ANKS3: variants seen among roughly 807,000 people sequenced by gnomAD.
The protein encoded by ANKS3 is ankyrin repeat and sterile alpha motif domain containing 3.
Under a neutral mutation model 80.7 loss-of-function variants are expected in ANKS3, and 62 were observed. That is an observed-to-expected ratio of 0.77 (90% CI 0.63 to 0.95). The LOEUF (loss-of-function observed/expected upper bound fraction) is 0.95, where lower values mean the gene tolerates loss of function less well. ANKS3 is among the 40% of genes least tolerant of loss of function. The pLI is 0.00. For missense variants in ANKS3, 1,150 were observed against 883.6 expected (o/e 1.30, Z -3.82); for synonymous variants, 489 against 355.3 (o/e 1.38, Z -4.23).
Position 4,698,031 on chromosome 16 carries a change from T to G in ANKS3, c.1756A>C (p.Arg586=). ...ACQAELSSRV[R]QDQPPGAATL... ...GCTGCACCAGGGGGCTGGTCCTGCCTCACTCGAGATGACAGCTCAGCTTGA... is the reference window on the plus strand; with the variant it reads ...GCTGCACCAGGGGGCTGGTCCTGCCGCACTCGAGATGACAGCTCAGCTTGA... Residue 586 remains arginine (R), a synonymous_variant, in exon 15 of 18, where the codon AGG becomes CGG. Coordinates refer to ENST00000304283, the MANE Select transcript of ANKS3 (RefSeq NM_133450.4). 1 of 1,609,580 alleles carries G rather than the reference T, an allele frequency of 6.2e-7. No individual in the cohort carries two copies. Among genetic ancestry groups the G allele is most frequent in the South Asian group, 1.1e-5 (1 of 90,246 alleles).
At chr16:4,716,214 G>A (rs1338713572) in intron 6 of ANKS3, among the ~76,000 whole-genome samples, 1 of 151,758 alleles carries the variant, frequency 6.6e-6, no homozygotes, top group Middle Eastern at 3.2e-3. Flanking sequence ...AAAGAAATTA[G>A]CCGGGCGTGG....
chr16:4,712,748 G>T (rs1161935193), intron 7 of ANKS3, among the ~76,000 whole-genome samples: 1 of 152,140 alleles, frequency 6.6e-6, no homozygotes, highest in Non-Finnish European at 1.5e-5. Context: ...CAGGACCAAG[G>T]TAAGGAGGCT....
chr16:4,711,446 C>T (rs947381451), intron 7 of ANKS3, among the ~76,000 whole-genome samples: 7 of 151,420 alleles, frequency 4.6e-5, no homozygotes, highest in Non-Finnish European at 8.8e-5. Flanking sequence ...TGGCCGGGTG[C>T]GGTGGCTCAC....
At chr16:4,712,761 C>G (rs1186427209) in intron 7 of ANKS3, among the ~76,000 whole-genome samples, 1 of 152,160 alleles carries the variant, frequency 6.6e-6, no homozygotes, top group African/African-American at 2.4e-5. Context: ...AGGAGGCTCA[C>G]TATCTCCACT....
chr16:4,716,122 C>A (rs1475337656), intron 6 of ANKS3, among the ~76,000 whole-genome samples: 1 of 151,870 alleles, frequency 6.6e-6, no homozygotes, highest in Non-Finnish European at 1.5e-5. Context: ...CTTTGGGAGG[C>A]CGAGGTGGAC....
At chr16:4,704,617 G>A (rs960693743) in intron 8 of ANKS3, among the ~76,000 whole-genome samples, 3 of 152,166 alleles carry the variant, frequency 2.0e-5, no homozygotes, top group Non-Finnish European at 4.4e-5. Flanking sequence ...GTCAACAAGC[G>A]GGCCCTCTCT....
At chr16:4,732,504 G>C (rs1257236685) in intron 1 of ANKS3, among the ~76,000 whole-genome samples, 2 of 152,054 alleles carry the variant, frequency 1.3e-5, no homozygotes, top group African/African-American at 4.8e-5. Flanking sequence ...CCAAAATGGT[G>C]AACTCCCATC....
chr16:4,720,546 T>TGAACCCACC (rs2081037368), intron 6 of ANKS3, among the ~76,000 whole-genome samples: 1 of 151,110 alleles, frequency 6.6e-6, no homozygotes, highest in African/African-American at 2.4e-5. Flanking sequence ...CACTACCCAC[T>TGAACCCACC]ACCGACTGAA....
intron 6 of ANKS3, among the ~76,000 whole-genome samples, chr16:4,714,990 CAAAAAAAAAAAAAAAA>C (rs753327026): frequency 1.1e-4 from 4 of 36,618 alleles, no homozygotes; most frequent in African/African-American, 1.5e-4. Context: ...GACTCTGTCT[CAAAAAAAAAAAAAAAA>C]AAAAAAAAAG....
At chr16:4,725,994 G>C (rs562161435) in intron 5 of ANKS3, among the ~76,000 whole-genome samples, 17 of 111,456 alleles carry the variant, frequency 1.5e-4, no homozygotes, top group African/African-American at 5.5e-4. Context: ...TTTTTTTTTT[G>C]AGATGGAGTC....
chr16:4,714,253 G>A, intron 6 of ANKS3, 67 bp from the exon 7 acceptor site: 1 of 1,589,860 alleles, frequency 6.3e-7, no homozygotes, highest in South Asian at 1.2e-5. Context: ...CTGGGCTGCT[G>A]GCTGGGAAGA....
Position 4,731,519 on chromosome 16 carries a change from G to A in ANKS3, c.-10C>T, listed in dbSNP as rs1425570960. 3.7e-6 allele frequency: 2 copies of A among 542,294 alleles called. No homozygotes were observed. The highest frequency in any genetic ancestry group is 2.1e-5 in the African/African-American group (1 of 48,646). 33.6% of individuals were successfully genotyped at this position (542,294 alleles called of 1,614,324 possible). On this transcript the variant is annotated 5_prime_UTR_variant, in exon 2 of 18. Transcript: ENST00000304283. ...TGGTCTCGAACTCCTCACCTCAGGT[G>A]ATCCGCCCGCCTCAGCCTCTCAAAG...
At position 4,720,554 on chromosome 16, in the gene ANKS3, G is replaced by T. The variant is rs1342473204; in HGVS notation, c.573+4196C>A. Among the ~76,000 whole-genome samples, 12 of 151,200 alleles carry T rather than the reference G, an allele frequency of 7.9e-5. No individual in the cohort carries two copies. The East Asian group carries it at 2.3e-3, about 29-fold the overall frequency. ...AAGTTTACACTACCCACTACCGACT[G>T]AACCCACCTCACACAACAAAGACTC... On this transcript the variant is annotated intron_variant, in intron 6 of 17. Coordinates refer to ENST00000304283, the MANE Select transcript of ANKS3 (RefSeq NM_133450.4).
At chr16:4,727,812 G>T (rs920805550) in intron 3 of ANKS3, 2 of 153,350 alleles carry the variant, frequency 1.3e-5, no homozygotes, top group Non-Finnish European at 2.9e-5. Flanking sequence ...CTCACTGATT[G>T]CTGTTAAAAT....
intron 8 of ANKS3, among the ~76,000 whole-genome samples, chr16:4,704,001 T>C (rs1021270856): frequency 6.6e-6 from 1 of 152,224 alleles, no homozygotes; most frequent in African/African-American, 2.4e-5. Context: ...CAGGGACCTT[T>C]TGGAAGGAAG....
At chr16:4,703,148 T>G (rs2080007605) in intron 8 of ANKS3, among the ~76,000 whole-genome samples, 1 of 152,248 alleles carries the variant, frequency 6.6e-6, no homozygotes, top group Admixed American at 6.5e-5. Context: ...GGTCTTGCTG[T>G]GTTATCCAGA....
At chr16:4,725,491 G>C (rs2081302207) in intron 5 of ANKS3, among the ~76,000 whole-genome samples, 1 of 152,146 alleles carries the variant, frequency 6.6e-6, no homozygotes, top group African/African-American at 2.4e-5. Flanking sequence ...TTAATTAGTA[G>C]CATATTTTTT....
In ANKS3 at chr16:4,713,940, T is replaced by C. The variant is rs529380853; in HGVS notation, c.709+111A>G. 25 of 1,450,966 alleles carry C rather than the reference T, an allele frequency of 1.7e-5. No homozygotes were observed. The East Asian group carries it at 5.9e-4, about 34-fold the overall frequency. The allele number at this position is 1,450,966 out of a possible 1,614,324, so 89.9% of individuals were successfully genotyped here. Reference sequence around the variant, plus strand: ...AGCAGCTGGGGGAGGCAGAGCCAAATCTCAGAGAAGGTGGGAGCCGGGGAA... The same window carrying C: ...AGCAGCTGGGGGAGGCAGAGCCAAACCTCAGAGAAGGTGGGAGCCGGGGAA... On this transcript the variant is annotated intron_variant, in intron 7 of 17. Coordinates refer to ENST00000304283, the MANE Select transcript of ANKS3 (RefSeq NM_133450.4).
chr16:4,700,973 G>A lies in ANKS3; in HGVS notation c.1281C>T (p.Pro427=), dbSNP rs767796055. Residue 427 remains proline (P), a synonymous_variant, in exon 11 of 18, where the codon CCC becomes CCT. Coordinates refer to ENST00000304283, the MANE Select transcript of ANKS3 (RefSeq NM_133450.4). ...PQTQRAPYSG[P]QDLAALLEQI... ...CCAGTTTCACAAGCGGTCTTACCTG[G>A]GGTCCTGAGTAGGGGGCCCTCTGAG... 6.2e-7 allele frequency: 1 copy of A among 1,613,816 alleles called. No homozygotes were observed.
Sources: gnomAD v4.1 joint callset for allele counts (sites outside exome capture counted in the v4.1 genomes callset) on GRCh38, gnomAD v4.1.1 for gene constraint, MANE v1.5 for transcripts, NCBI Gene and HGNC (gene_info 2026-07-23, HGNC 2026-07-21) for gene names.